Variants in MED13 observed in about 807,000 individuals in gnomAD.
The protein encoded by MED13 is mediator of RNA polymerase II transcription subunit 13.
A neutral mutation model predicts 225.2 loss-of-function variants in MED13; 23 were observed. The observed-to-expected ratio is 0.10, with a 90% CI of 0.07 to 0.14. The LOEUF is 0.14. Ranked by LOEUF, MED13 falls within the 10% of genes least tolerant of loss-of-function variation. MED13 has a pLI of 1.00. For missense variants in MED13, 2,197 were observed against 2,594.5 expected, an observed-to-expected ratio of 0.85 and a Z score of 3.33; for synonymous variants, 942 against 889.2, an observed-to-expected ratio of 1.06 and a Z score of -1.06.
intron 22 of MED13, 62 bp downstream of exon 22, chr17:61,961,526 A>C: frequency 8.0e-7 from 1 of 1,244,266 alleles, no homozygotes; most frequent in Non-Finnish European, 1.1e-6. Context: ...TCTCAAAAAA[A>C]AAAAAAAAAA....
intron 13 of MED13, 34 bp downstream of exon 13, chr17:61,984,966 A>T (rs753139499): frequency 6.2e-7 from 1 of 1,606,306 alleles, no homozygotes; most frequent in South Asian, 1.1e-5. Context: ...AAAAGTTCGC[A>T]AATTTATCTC....
At position 62,029,420 on chromosome 17, in the gene MED13, TC is replaced by T. The variant is rs57186385; in HGVS notation, c.1283+120del. The T allele has an allele frequency of 1.2e-3, 780 of 656,080 alleles. 6 individuals are homozygous for T. The African/African-American group carries it at 0.013, about 11-fold the overall frequency. The allele number at this position is 656,080 out of a possible 1,614,324, so 40.6% of individuals were successfully genotyped here. A position where few individuals can be genotyped will look rare whatever the true frequency, so the allele number is the denominator to read the frequency against. On this transcript the variant is annotated intron_variant, in intron 8 of 29. Coordinates refer to ENST00000397786, the MANE Select transcript of MED13 (RefSeq NM_005121.3). The stretch of plus-strand genomic sequence containing the variant: ...TTCCTGAAATATTTTTCCTGAATTT[TC>T]TTTTGAAAAAAAATCCTGACATATG...
At chr17:62,040,268 C>G (rs561301375) in intron 3 of MED13, among the ~76,000 whole-genome samples, 1 of 152,126 alleles carries the variant, frequency 6.6e-6, no homozygotes, top group East Asian at 1.9e-4. Flanking sequence ...AATAACAATT[C>G]GAAGTATTAT....
intron 27 of MED13, among the ~76,000 whole-genome samples, chr17:61,952,548 T>C (rs1250394193): frequency 6.6e-6 from 1 of 152,188 alleles, no homozygotes; most frequent in East Asian, 1.9e-4. Context: ...AGAGATTCTC[T>C]TAAAAATGTG....
intron 12 of MED13, among the ~76,000 whole-genome samples, chr17:61,985,688 A>G (rs2080241546): frequency 6.6e-6 from 1 of 152,160 alleles, no homozygotes; most frequent in African/African-American, 2.4e-5. Flanking sequence ...AATAAAAATA[A>G]GAAAACCTGC....
At chr17:61,999,252 A>G (rs907790550) in intron 9 of MED13, among the ~76,000 whole-genome samples, 3 of 152,230 alleles carry the variant, frequency 2.0e-5, no homozygotes, top group Non-Finnish European at 4.4e-5. Context: ...ATATCCTGAT[A>G]TACTTTGGCT....
intron 16 of MED13, among the ~76,000 whole-genome samples, chr17:61,980,621 C>A (rs1258275549): frequency 6.6e-6 from 1 of 152,182 alleles, no homozygotes; most frequent in African/African-American, 2.4e-5. Context: ...CTATTACTTA[C>A]ATCTCGCTGG....
rs1451988670 is a variant in MED13, at chr17:61,942,802, A to G, written c.*3666T>C. On this transcript the variant is annotated 3_prime_UTR_variant, in exon 30 of 30. Coordinates refer to ENST00000397786, the MANE Select transcript of MED13 (RefSeq NM_005121.3). ...AAGAAAAGCAATTGGACCATATTAA[A>G]TGTCACTGCTAAACAACAACTTTAA... 6.6e-6 allele frequency: 1 copy of G among 152,554 alleles called. No individual in the cohort carries two copies. Among genetic ancestry groups the G allele is most frequent in the Non-Finnish European group, 1.5e-5 (1 of 67,992 alleles). The allele number at this position is 152,554 out of a possible 1,614,324, so 9.5% of individuals were successfully genotyped here. A position where few individuals can be genotyped will look rare whatever the true frequency, so the allele number is the denominator to read the frequency against.
intron 8 of MED13, among the ~76,000 whole-genome samples, chr17:62,027,733 A>G (rs2080716221): frequency 6.6e-6 from 1 of 152,182 alleles, no homozygotes; most frequent in Admixed American, 6.5e-5. Context: ...ATATATAAAA[A>G]AAATCCTGTT....
At chr17:61,991,997 T>G (rs149076090) in intron 11 of MED13, among the ~76,000 whole-genome samples, 2 of 152,212 alleles carry the variant, frequency 1.3e-5, no homozygotes, top group African/African-American at 2.4e-5. Context: ...AGAGAACTGA[T>G]AGTCTTCGAA....
chr17:62,059,259 A>T (rs186817885), intron 2 of MED13, among the ~76,000 whole-genome samples: 1 of 152,354 alleles, frequency 6.6e-6, no homozygotes, highest in Non-Finnish European at 1.5e-5. Context: ...TGCATGACAC[A>T]AAGGAGCTAA....
chr17:62,020,688 T>TC (rs1422321972), intron 8 of MED13, among the ~76,000 whole-genome samples: 1 of 133,728 alleles, frequency 7.5e-6, no homozygotes, highest in Non-Finnish European at 1.8e-5. Context: ...CTGCTTTCTT[T>TC]TTTTTTTTTT....
At chr17:61,975,629 G>C (rs2080148466) in intron 16 of MED13, among the ~76,000 whole-genome samples, 1 of 152,196 alleles carries the variant, frequency 6.6e-6, no homozygotes, top group Non-Finnish European at 1.5e-5. Flanking sequence ...TGAGGCACAA[G>C]AATCACTTGA....
At chr17:61,986,315 T>C (rs1471377277) in intron 12 of MED13, among the ~76,000 whole-genome samples, 1 of 152,134 alleles carries the variant, frequency 6.6e-6, no homozygotes, top group Admixed American at 6.6e-5. Context: ...ATGCATATTA[T>C]ATAGGAAAGG....
chr17:62,055,746 T>C (rs940178646), intron 2 of MED13, among the ~76,000 whole-genome samples: 3 of 151,606 alleles, frequency 2.0e-5, no homozygotes, highest in African/African-American at 7.3e-5. Flanking sequence ...TCACTTGAAC[T>C]GGGTGGCAGA....
chr17:62,048,758 G>A (rs1477286916), intron 3 of MED13, among the ~76,000 whole-genome samples: 1 of 152,070 alleles, frequency 6.6e-6, no homozygotes, highest in African/African-American at 2.4e-5. Context: ...ATACTGGCAG[G>A]TGGGTGACAG....
Position 61,961,908 on chromosome 17 carries a change from C to T in MED13, c.5065-129G>A, listed in dbSNP as rs990376294. 8.8e-5 allele frequency: 78 copies of T among 888,418 alleles called. No individual in the cohort carries two copies. The South Asian group carries it at 8.9e-4, about 10-fold the overall frequency. 55.0% of individuals were successfully genotyped at this position (888,418 alleles called of 1,614,324 possible). A position where few individuals can be genotyped will look rare whatever the true frequency, so the allele number is the denominator to read the frequency against. On this transcript the variant is annotated intron_variant, in intron 21 of 29. Coordinates refer to ENST00000397786, the MANE Select transcript of MED13 (RefSeq NM_005121.3). ...AAACCTAATTTAAATGAAAATTTAA[C>T]GATTGTTTTCTTATCTATTATGTAG...
At chr17:61,983,474 G>A (rs550058726) in intron 15 of MED13, among the ~76,000 whole-genome samples, 1 of 152,126 alleles carries the variant, frequency 6.6e-6, no homozygotes, top group African/African-American at 2.4e-5. Context: ...TGATTTTAGA[G>A]ATGCTCATGT....
chr17:61,983,833 A>G (rs2080225672), intron 15 of MED13, among the ~76,000 whole-genome samples: 1 of 150,508 alleles, frequency 6.6e-6, no homozygotes, highest in African/African-American at 2.4e-5. Flanking sequence ...GGTTCAAGCC[A>G]TTCTTGTGCC....
Sources: gnomAD v4.1 joint callset for allele counts (sites outside exome capture counted in the v4.1 genomes callset) on GRCh38, gnomAD v4.1.1 for gene constraint, MANE v1.5 for transcripts, NCBI Gene and HGNC (gene_info 2026-07-23, HGNC 2026-07-21) for gene names.